DDX10: variants seen among roughly 807,000 people sequenced by gnomAD.
DDX10 encodes probable ATP-dependent RNA helicase DDX10.
DDX10 carries 74 observed loss-of-function variants against 104.3 expected under a neutral mutation model. The ratio of observed to expected loss-of-function variants is 0.71; its 90% CI spans 0.59 to 0.86. The LOEUF (loss-of-function observed/expected upper bound fraction) is 0.86. Ranked by LOEUF, DDX10 falls within the 40% of genes least tolerant of loss-of-function variation. DDX10 has a pLI of 0.00. For missense variants in DDX10, 952 were observed against 1,040.0 expected, an observed-to-expected ratio of 0.92 and a Z score of 1.16; for synonymous variants, 351 against 353.4, an observed-to-expected ratio of 0.99 and a Z score of 0.08.
chr11:108,696,665 A>G (rs907340294), intron 9 of DDX10, among the ~76,000 whole-genome samples: 1 of 152,154 alleles, frequency 6.6e-6, no homozygotes, highest in Admixed American at 6.5e-5. Flanking sequence ...TGGATATGGT[A>G]TCTCACAAGT....
chr11:108,665,712 A>G (rs2094209256), intron 1 of DDX10, among the ~76,000 whole-genome samples: 1 of 152,162 alleles, frequency 6.6e-6, no homozygotes, highest in Non-Finnish European at 1.5e-5. Context: ...GATATTAATA[A>G]TCCTATTTAA....
intron 11 of DDX10, 46 bp from the exon 12 acceptor site, chr11:108,719,751 T>A (rs369717040): frequency 1.6e-6 from 2 of 1,264,482 alleles, no homozygotes; most frequent in African/African-American, 3.0e-5. Flanking sequence ...TCTAAACTCA[T>A]TTTTAATTTC....
At chr11:108,761,767 C>T (rs570199444) in intron 13 of DDX10, among the ~76,000 whole-genome samples, 98 of 152,200 alleles carry the variant, frequency 6.4e-4, no homozygotes, top group Non-Finnish European at 1.1e-3. Context: ...GAGAAAGTAT[C>T]TTGTAAGAAG....
rs148058122 is a variant in DDX10, at chr11:108,679,869, G to A, written c.848+309G>A. Reference sequence around the variant, plus strand: ...AAACGAAGGGAGAAGGGATGAAATAGCAAATGGTGAGTCAAAGTGAAACAG... The same window carrying A: ...AAACGAAGGGAGAAGGGATGAAATAACAAATGGTGAGTCAAAGTGAAACAG... On this transcript the variant is annotated intron_variant, in intron 6 of 17. Transcript: ENST00000322536. Among the ~76,000 whole-genome samples the A allele has an allele frequency of 3.9e-5, 6 of 152,298 alleles. No individual in the cohort carries two copies. In the East Asian group the frequency reaches 1.2e-3, roughly 29 times the overall value.
chr11:108,884,488 C>G (rs1428011687), intron 16 of DDX10, among the ~76,000 whole-genome samples: 1 of 152,144 alleles, frequency 6.6e-6, no homozygotes, highest in East Asian at 1.9e-4. Context: ...CTACCAATTA[C>G]CTGCTAATTA....
At position 108,837,607 on chromosome 11, in the gene DDX10, C is replaced by CTTTTTTTTTTTTTTTTTTTTTTTTTTTTT. The variant is rs142381520; in HGVS notation, c.1966-832_1966-804dup. On this transcript the variant is annotated intron_variant, in intron 13 of 17. Transcript: ENST00000322536. ...TTCTGCATCTCACCTTTGGATACAG[C>CTTTTTTTTTTTTTTTTTTTTTTTTTTTTT]TTTTTTTTTTTTTTTTTTTTTTTTT... Among the ~76,000 whole-genome samples the CTTTTTTTTTTTTTTTTTTTTTTTTTTTTT allele has an allele frequency of 8.6e-5, 3 of 34,748 alleles. 1 individual carries two copies. Among genetic ancestry groups the CTTTTTTTTTTTTTTTTTTTTTTTTTTTTT allele is most frequent in the African/African-American group, 3.8e-4 (3 of 7,928 alleles). The allele number at this position is 34,748 out of a possible 152,430, so 22.8% of individuals were successfully genotyped here. A position where few individuals can be genotyped will look rare whatever the true frequency, so the allele number is the denominator to read the frequency against.
chr11:108,916,107 G>T (rs1266559308), intron 16 of DDX10, among the ~76,000 whole-genome samples: 1 of 151,790 alleles, frequency 6.6e-6, no homozygotes, highest in African/African-American at 2.4e-5. Context: ...GTTAACAAAA[G>T]CTCTTTGGCA....
rs2094231397 is a variant in DDX10 at position 108,679,386 on chromosome 11, A to G, written c.674A>G (p.Asp225Gly). 3 of 1,597,360 alleles carry G rather than the reference A, an allele frequency of 1.9e-6. No homozygotes were observed. The highest frequency in any genetic ancestry group is 1.4e-5 in the African/African-American group (1 of 73,704). ...DLQMLVLDEA[D>G]RILDMGFADT... The stretch of plus-strand genomic sequence containing the variant: ...CCTTTTTCAGTTCTTGATGAAGCAG[A>G]TAGAATCTTGGATATGGGCTTTGCT... The change falls in exon 6 of 18, where the codon GAT (aspartate) becomes GGT (glycine). Residue 225 changes from aspartate to glycine, a missense_variant. Asp to Gly is a moderately conservative substitution (Grantham distance 94, BLOSUM62 -1). Around this residue, in one of 3 missense-constraint regions of DDX10, gnomAD observed 412 missense variants for 479.2 expected, o/e 0.86. Transcript: ENST00000322536.
chr11:108,731,507 A>G (rs1056348931), intron 13 of DDX10, among the ~76,000 whole-genome samples: 1 of 145,864 alleles, frequency 6.9e-6, no homozygotes, highest in Non-Finnish European at 1.5e-5. Flanking sequence ...CGTGATCTCA[A>G]TTGGGTTTCT....
chr11:108,814,309 C>T (rs1377029360), intron 13 of DDX10, among the ~76,000 whole-genome samples: 3 of 152,062 alleles, frequency 2.0e-5, no homozygotes, highest in Non-Finnish European at 2.9e-5. Context: ...CTTCCCCTTT[C>T]TCAGTCTCTA....
chr11:108,833,903 C>T (rs565177896), intron 13 of DDX10, among the ~76,000 whole-genome samples: 7 of 152,230 alleles, frequency 4.6e-5, no homozygotes, highest in African/African-American at 1.7e-4. Context: ...ACCCAAACGC[C>T]CAACATTCCA....
At chr11:108,697,046 A>T (rs1591794509) in intron 9 of DDX10, among the ~76,000 whole-genome samples, 2 of 152,312 alleles carry the variant, frequency 1.3e-5, no homozygotes, top group Middle Eastern at 3.4e-3. Context: ...GAACAACATC[A>T]CATTATTGTG....
intron 13 of DDX10, among the ~76,000 whole-genome samples, chr11:108,790,087 C>T (rs1166407695): frequency 6.6e-6 from 1 of 152,166 alleles, no homozygotes; most frequent in Non-Finnish European, 1.5e-5. Context: ...AATCTAACCC[C>T]CCTAAAGCAC....
chr11:108,771,911 A>G (rs2094363713), intron 13 of DDX10, among the ~76,000 whole-genome samples: 2 of 152,126 alleles, frequency 1.3e-5, no homozygotes, highest in African/African-American at 2.4e-5. Flanking sequence ...TAACAGGAGG[A>G]CATCAAGTCT....
At chr11:108,768,484 G>A (rs1463258767) in intron 13 of DDX10, among the ~76,000 whole-genome samples, 1 of 152,208 alleles carries the variant, frequency 6.6e-6, no homozygotes, top group African/African-American at 2.4e-5. Context: ...AAGAGTGGGA[G>A]TTGGTGAAAC....
At chr11:108,730,798 T>G (rs2094311091) in intron 13 of DDX10, among the ~76,000 whole-genome samples, 1 of 152,120 alleles carries the variant, frequency 6.6e-6, no homozygotes, top group African/African-American at 2.4e-5. Flanking sequence ...AAGACTACAT[T>G]TGCATTATAC....
At chr11:108,737,873 GGGT>G (rs2094320291) in intron 13 of DDX10, among the ~76,000 whole-genome samples, 2 of 151,968 alleles carry the variant, frequency 1.3e-5, no homozygotes, top group Non-Finnish European at 2.9e-5. Flanking sequence ...TTATATCTTT[GGGT>G]GATAACGATT....
intron 10 of DDX10, among the ~76,000 whole-genome samples, chr11:108,709,274 T>C (rs770006872): frequency 5.3e-5 from 8 of 152,230 alleles, no homozygotes; most frequent in Non-Finnish European, 1.0e-4. Flanking sequence ...GATATTGGTC[T>C]GTAGTTTTTT....
At chr11:108,717,186 A>G (rs2134470658) in intron 11 of DDX10, among the ~76,000 whole-genome samples, 1 of 152,330 alleles carries the variant, frequency 6.6e-6, no homozygotes, top group Admixed American at 6.5e-5. Context: ...GAGGAAGAAT[A>G]TAAAGAAGAG....
Sources: allele counts gnomAD v4.1 joint callset (sites outside exome capture counted in the v4.1 genomes callset), GRCh38; gene constraint gnomAD v4.1.1; regional missense constraint gnomAD v4.1.1; transcripts MANE v1.5; gene names NCBI Gene and HGNC (gene_info 2026-07-23, HGNC 2026-07-21).